The following SLIT3 variants were observed in gnomAD, a reference collection of about 807,000 sequenced individuals.
SLIT3 encodes the protein slit homolog 3 protein.
Under a neutral mutation model 184.0 loss-of-function variants are expected in SLIT3, and 68 were observed. That is an observed-to-expected ratio of 0.37 (90% CI 0.30 to 0.45). The LOEUF (loss-of-function observed/expected upper bound fraction) is 0.45, where lower values mean the gene tolerates loss of function less well. Among genes scored for constraint, SLIT3 ranks in the 20% least tolerant of loss-of-function variants. The pLI is 1.00. For missense variants in SLIT3, 1,707 were observed against 2,026.0 expected (o/e 0.84, Z 3.02); for synonymous variants, 831 against 828.6 (o/e 1.00, Z -0.05).
intron 20 of SLIT3, among the ~76,000 whole-genome samples, chr5:168,734,311 G>C (rs1460182930): frequency 6.6e-6 from 1 of 152,174 alleles, no homozygotes; most frequent in Non-Finnish European, 1.5e-5. Flanking sequence ...TTAACTGTTA[G>C]AGCCCTGCCT....
chr5:169,083,590 G>A (rs1353587707), intron 4 of SLIT3, among the ~76,000 whole-genome samples: 1 of 152,212 alleles, frequency 6.6e-6, no homozygotes, highest in Non-Finnish European at 1.5e-5. Context: ...AGCCTCTCCA[G>A]CATGTGTGTT....
intron 5 of SLIT3, among the ~76,000 whole-genome samples, chr5:168,866,272 G>A (rs1759297627): frequency 6.6e-6 from 1 of 152,206 alleles, no homozygotes; most frequent in South Asian, 2.1e-4. Context: ...AGAACCAGAG[G>A]TCCTTTACCC....
chr5:169,219,327 T>G (rs1223950801), intron 3 of SLIT3, among the ~76,000 whole-genome samples: 1 of 152,254 alleles, frequency 6.6e-6, no homozygotes, highest in Non-Finnish European at 1.5e-5. Context: ...AAGTACATTG[T>G]AGGTTTTAAT....
At chr5:169,216,480 G>A (rs1158358149) in intron 3 of SLIT3, among the ~76,000 whole-genome samples, 2 of 152,186 alleles carry the variant, frequency 1.3e-5, no homozygotes, top group East Asian at 3.8e-4. Flanking sequence ...AAAAATCCAA[G>A]AGATGAGAAA....
At chr5:169,264,559 C>T (rs1350873174) in intron 1 of SLIT3, among the ~76,000 whole-genome samples, 1 of 152,146 alleles carries the variant, frequency 6.6e-6, no homozygotes, top group Non-Finnish European at 1.5e-5. Flanking sequence ...CTTCCTCTGT[C>T]TCCTCTCCCC....
At chr5:168,994,623 CTTTTTTTTTTTTTTTTTTTT>C (rs66498923) in intron 4 of SLIT3, among the ~76,000 whole-genome samples, 48 of 47,098 alleles carry the variant, frequency 1.0e-3, no homozygotes, top group African/African-American at 2.3e-3. Context: ...TGGCATTCTA[CTTTTTTTTTTTTTTTTTTTT>C]TTTTTTTTTT....
At chr5:168,833,367 T>G (rs1757938670) in intron 6 of SLIT3, among the ~76,000 whole-genome samples, 1 of 152,142 alleles carries the variant, frequency 6.6e-6, no homozygotes, top group Non-Finnish European at 1.5e-5. Context: ...GGAAGCTGAG[T>G]GCAATTTACA....
intron 29 of SLIT3, among the ~76,000 whole-genome samples, chr5:168,687,888 G>A (rs1265403123): frequency 6.6e-6 from 1 of 152,186 alleles, no homozygotes; most frequent in African/African-American, 2.4e-5. Context: ...AAGAGGATGG[G>A]AACACCTGCT....
chr5:168,926,396 G>T (rs1251152225), intron 4 of SLIT3, among the ~76,000 whole-genome samples: 1 of 152,184 alleles, frequency 6.6e-6, no homozygotes. Context: ...TAGAGGGACT[G>T]CAGTTTTTCG....
intron 23 of SLIT3, among the ~76,000 whole-genome samples, chr5:168,715,322 A>G (rs1762685041): frequency 1.3e-5 from 2 of 152,222 alleles, no homozygotes; most frequent in African/African-American, 2.4e-5. Flanking sequence ...CTCAGCATCA[A>G]TGCTGTTTTC....
intron 4 of SLIT3, among the ~76,000 whole-genome samples, chr5:168,888,808 G>A (rs1246471815): frequency 1.3e-5 from 2 of 152,164 alleles, no homozygotes; most frequent in Admixed American, 1.3e-4. Context: ...TGGGATCAGG[G>A]CAGTGAATTA....
intron 4 of SLIT3, among the ~76,000 whole-genome samples, chr5:168,968,220 A>C (rs1763283578): frequency 6.6e-6 from 1 of 152,054 alleles, no homozygotes; most frequent in South Asian, 2.1e-4. Flanking sequence ...CAGCAAGCTT[A>C]GCGCCCCCCT....
chr5:168,723,757 T>C (rs1418426552), intron 21 of SLIT3, among the ~76,000 whole-genome samples: 2 of 152,236 alleles, frequency 1.3e-5, no homozygotes, highest in Non-Finnish European at 2.9e-5. Context: ...AGCTGCACAT[T>C]AGAATCACCT....
At chr5:169,069,632 A>G (rs1286630194) in intron 4 of SLIT3, among the ~76,000 whole-genome samples, 24 of 152,198 alleles carry the variant, frequency 1.6e-4, no homozygotes, top group Admixed American at 1.4e-3. Context: ...TCACAAGGTT[A>G]TGACAGGTAG....
chr5:169,266,936 A>C (rs1766416091), intron 1 of SLIT3, among the ~76,000 whole-genome samples: 1 of 152,216 alleles, frequency 6.6e-6, no homozygotes, highest in African/African-American at 2.4e-5. Context: ...TGTTTTTAAG[A>C]AGGCCACTTA....
chr5:168,963,092 A>G (rs1432911), intron 4 of SLIT3, among the ~76,000 whole-genome samples: 3,416 of 152,328 alleles, frequency 0.022, 146 homozygotes, highest in African/African-American at 0.078. Context: ...GGGTTGGCGA[A>G]CTATGGCCTA....
At chr5:168,817,230 G>C in intron 8 of SLIT3, 70 bp downstream of exon 8, 1 of 1,434,922 alleles carries the variant, frequency 7.0e-7, no homozygotes, top group Non-Finnish European at 9.8e-7. Context: ...CAAGGTCAGG[G>C]TGATGTTGTG....
At chr5:168,745,602 G>C (rs1763773855) in intron 20 of SLIT3, among the ~76,000 whole-genome samples, 1 of 152,134 alleles carries the variant, frequency 6.6e-6, no homozygotes, top group South Asian at 2.1e-4. Context: ...AGTAGAGATG[G>C]GGTTTCACCA....
At chr5:168,915,721 G>C (rs141488122) in intron 4 of SLIT3, among the ~76,000 whole-genome samples, 3,038 of 152,026 alleles carry the variant, frequency 0.02, 43 homozygotes, top group Middle Eastern at 0.065. Context: ...ATTTGGACTA[G>C]CCATATTTTA....
Sources: gnomAD v4.1 joint callset for allele counts (sites outside exome capture counted in the v4.1 genomes callset) on GRCh38, gnomAD v4.1.1 for gene constraint, MANE v1.5 for transcripts, NCBI Gene and HGNC (gene_info 2026-07-23, HGNC 2026-07-21) for gene names.